ZBTB7C: variants seen among roughly 807,000 people sequenced by gnomAD.
ZBTB7C encodes zinc finger and BTB domain containing 7C, also known as zinc finger and BTB domain-containing protein 7C.
Under a neutral mutation model 25.7 loss-of-function variants are expected in ZBTB7C, and 8 were observed. That is an observed-to-expected ratio of 0.31 (90% confidence interval 0.18 to 0.56). The LOEUF (loss-of-function observed/expected upper bound fraction) is 0.56, where lower values mean the gene tolerates loss of function less well. Ranked by LOEUF, ZBTB7C falls within the 20% of genes least tolerant of loss-of-function variation. The pLI is 0.91. For synonymous variants in ZBTB7C, 394 were observed against 369.0 expected, an observed-to-expected ratio of 1.07 and a Z score of -0.78; for missense variants, 824 against 855.2, an observed-to-expected ratio of 0.96 and a Z score of 0.46.
chr18:48,166,905 A>G (rs1055500825), intron 3 of ZBTB7C, among the ~76,000 whole-genome samples: 1 of 151,724 alleles, frequency 6.6e-6, no homozygotes, highest in Non-Finnish European at 1.5e-5. Context: ...GGCGGGGGGG[A>G]AGCTCTTGAG....
chr18:48,137,772 A>C (rs954942382), intron 3 of ZBTB7C, among the ~76,000 whole-genome samples: 2 of 152,256 alleles, frequency 1.3e-5, no homozygotes, highest in Non-Finnish European at 2.9e-5. Context: ...ACAAACAGAC[A>C]TATCACGCAG....
chr18:48,167,931 A>C (rs555351729), intron 3 of ZBTB7C, among the ~76,000 whole-genome samples: 7 of 152,376 alleles, frequency 4.6e-5, no homozygotes, highest in Admixed American at 3.9e-4. Context: ...GCCTGCCCAC[A>C]TAAAACAGCT....
intron 3 of ZBTB7C, among the ~76,000 whole-genome samples, chr18:48,121,587 G>A (rs1411158024): frequency 1.3e-5 from 2 of 152,226 alleles, no homozygotes; most frequent in Admixed American, 1.3e-4. Flanking sequence ...GGCTCTATGA[G>A]GGTGTCTCCC....
At chr18:48,255,307 T>A (rs2043989306) in intron 2 of ZBTB7C, among the ~76,000 whole-genome samples, 2 of 152,208 alleles carry the variant, frequency 1.3e-5, no homozygotes, top group Admixed American at 6.5e-5. Flanking sequence ...GTATTCCATA[T>A]GTTTAAAAAG....
At chr18:48,299,737 G>A (rs186826559) in intron 2 of ZBTB7C, among the ~76,000 whole-genome samples, 37 of 152,360 alleles carry the variant, frequency 2.4e-4, no homozygotes, top group Non-Finnish European at 4.0e-4. Flanking sequence ...CAGGCAGAGC[G>A]CAGCATGTGC....
At chr18:48,150,181 C>A (rs1447775116) in intron 3 of ZBTB7C, among the ~76,000 whole-genome samples, 1 of 152,162 alleles carries the variant, frequency 6.6e-6, no homozygotes, top group Non-Finnish European at 1.5e-5. Context: ...CATAGAATGG[C>A]AGCTCAGAGC....
At chr18:48,256,594 T>C (rs767953884) in intron 2 of ZBTB7C, among the ~76,000 whole-genome samples, 2 of 151,826 alleles carry the variant, frequency 1.3e-5, no homozygotes, top group Non-Finnish European at 2.9e-5. Context: ...ATGATAGCTT[T>C]AGAAATGGTT....
At chr18:48,288,094 A>G (rs914651722) in intron 2 of ZBTB7C, among the ~76,000 whole-genome samples, 1 of 152,244 alleles carries the variant, frequency 6.6e-6, no homozygotes, top group African/African-American at 2.4e-5. Context: ...TAAAAATTGG[A>G]AAGGAAGAAA....
intron 2 of ZBTB7C, among the ~76,000 whole-genome samples, chr18:48,292,479 G>C (rs2045260309): frequency 6.6e-6 from 1 of 152,090 alleles, no homozygotes; most frequent in Non-Finnish European, 1.5e-5. Flanking sequence ...TAAAGCACTG[G>C]ACCACTAACT....
intron 2 of ZBTB7C, among the ~76,000 whole-genome samples, chr18:48,186,374 T>G (rs955411854): frequency 2.0e-5 from 3 of 152,206 alleles, no homozygotes; most frequent in African/African-American, 7.2e-5. Context: ...CTTCCTAAAT[T>G]GGACCTCACA....
intron 3 of ZBTB7C, among the ~76,000 whole-genome samples, chr18:48,122,738 G>C (rs1262482009): frequency 1.3e-5 from 2 of 152,166 alleles, no homozygotes; most frequent in East Asian, 3.8e-4. Context: ...GGGCTTCCGG[G>C]ATTCTTGTCC....
chr18:48,135,328 G>A (rs2040115687), intron 3 of ZBTB7C, among the ~76,000 whole-genome samples: 1 of 152,146 alleles, frequency 6.6e-6, no homozygotes, highest in African/African-American at 2.4e-5. Context: ...ACTATTTTCT[G>A]TTGTACTATA....
At position 48,266,230 on chromosome 18, in the gene ZBTB7C, C is replaced by G. The variant is rs915590874; in HGVS notation, c.-79+71944G>C. ...GATGGAGCTAGGACCCACCAACACC[C>G]AGGCCTCCGATCCCACAACTCATGC... On this transcript the variant is annotated intron_variant, in intron 2 of 4. Transcript: ENST00000590800. Among the ~76,000 whole-genome samples, 5 of 152,190 alleles carry G rather than the reference C, an allele frequency of 3.3e-5. No homozygotes were observed. The South Asian group carries it at 1.0e-3, about 32-fold the overall frequency.
Position 48,029,559 on chromosome 18 carries a change from C to T in ZBTB7C, c.1561G>A (p.Ala521Thr), listed in dbSNP as rs749118825. The change falls in exon 5 of 5, where the codon GCA (alanine) becomes ACA (threonine). Residue 521 changes from alanine to threonine, a missense_variant. Around this residue, in one of 4 missense-constraint regions of ZBTB7C, gnomAD observed 342 missense variants for 307.0 expected, o/e 1.11. Transcript: ENST00000590800. ...LGEVGGHLGG[A>T]AVCLPGPSPA... Reference sequence around the variant, plus strand: ...CTGGGGCCCGGGAGGCACACAGCTGCGCCGCCCAGGTGGCCGCCCACCTCG... The same window carrying T: ...CTGGGGCCCGGGAGGCACACAGCTGTGCCGCCCAGGTGGCCGCCCACCTCG... The T allele has an allele frequency of 3.7e-5, 57 of 1,529,228 alleles. No homozygotes were observed. In the African/African-American group the frequency reaches 6.2e-4, roughly 17 times the overall value. The allele number at this position is 1,529,228 out of a possible 1,614,324, so 94.7% of individuals were successfully genotyped here.
intron 3 of ZBTB7C, among the ~76,000 whole-genome samples, chr18:48,140,362 G>A (rs913198569): frequency 3.9e-5 from 6 of 152,260 alleles, no homozygotes; most frequent in Non-Finnish European, 7.3e-5. Flanking sequence ...ATGCAACCAC[G>A]CTGTGGGGTA....
At chr18:48,317,535 G>A (rs1423989996) in intron 2 of ZBTB7C, among the ~76,000 whole-genome samples, 1 of 152,174 alleles carries the variant, frequency 6.6e-6, no homozygotes, top group Non-Finnish European at 1.5e-5. Context: ...TTTGCTCTGA[G>A]GATGCCAGGT....
intron 2 of ZBTB7C, among the ~76,000 whole-genome samples, chr18:48,195,619 A>G (rs1421635681): frequency 1.3e-5 from 2 of 152,234 alleles, no homozygotes; most frequent in Non-Finnish European, 2.9e-5. Flanking sequence ...AGACTAATAC[A>G]TATGGCACTG....
At chr18:48,049,607 CT>C (rs1474420543) in intron 3 of ZBTB7C, among the ~76,000 whole-genome samples, 1 of 152,134 alleles carries the variant, frequency 6.6e-6, no homozygotes, top group Non-Finnish European at 1.5e-5. Context: ...GAACAGAGCC[CT>C]ATCATTCATA....
chr18:48,119,464 C>T (rs1249072773), intron 3 of ZBTB7C, among the ~76,000 whole-genome samples: 3 of 152,232 alleles, frequency 2.0e-5, no homozygotes, highest in Non-Finnish European at 4.4e-5. Flanking sequence ...CCTGAAACCA[C>T]CAGGCACCTC....
Sources: gnomAD v4.1 joint callset for allele counts (sites outside exome capture counted in the v4.1 genomes callset) on GRCh38, gnomAD v4.1.1 for gene constraint, gnomAD v4.1.1 regional missense constraint, MANE v1.5 for transcripts, NCBI Gene and HGNC (gene_info 2026-07-23, HGNC 2026-07-21) for gene names.